TRPC4AP: variants seen among roughly 807,000 people sequenced by gnomAD.
TRPC4AP encodes short transient receptor potential channel 4-associated protein.
Under a neutral mutation model 99.0 loss-of-function variants are expected in TRPC4AP, and 45 were observed. The ratio of observed to expected loss-of-function variants is 0.45; its 90% confidence interval spans 0.36 to 0.58. The LOEUF is 0.58. TRPC4AP is among the 20% of genes least tolerant of loss of function. The pLI is 0.00. For missense variants in TRPC4AP, 879 were observed against 985.3 expected (o/e 0.89, Z 1.44); for synonymous variants, 408 against 385.8 (o/e 1.06, Z -0.67).
At chr20:35,086,573 G>GTATATATA (rs1440590409) in intron 1 of TRPC4AP, among the ~76,000 whole-genome samples, 1 of 41,512 alleles carries the variant, frequency 2.4e-5, no homozygotes. Context: ...GTGTGTGTGT[G>GTATATATA]TGTATATATA....
chr20:35,035,859 TTTCTTCAAAAATTTAAATATTTGC>T (rs1350990806), intron 7 of TRPC4AP, among the ~76,000 whole-genome samples: 1 of 152,212 alleles, frequency 6.6e-6, no homozygotes, highest in Admixed American at 6.5e-5. Context: ...TGAATTTAAT[TTTCTTCAAAAATTTAAATATTTGC>T]TTCTTCAAAA....
chr20:35,017,736 G>A (rs2082787488), intron 9 of TRPC4AP, among the ~76,000 whole-genome samples: 2 of 152,156 alleles, frequency 1.3e-5, no homozygotes, highest in African/African-American at 4.8e-5. Flanking sequence ...AGACATCCCT[G>A]GCAGCCTCCA....
rs773627981 is a variant in TRPC4AP at position 35,021,253 on chromosome 20, G to C, written c.1155C>G (p.Ile385Met). The C allele has an allele frequency of 6.2e-7, 1 of 1,614,144 alleles. No homozygotes were observed. The highest frequency in any genetic ancestry group is 1.7e-5 in the Admixed American group (1 of 60,014). Residue 385 changes from isoleucine to methionine, a missense_variant, in exon 9 of 19, where the codon ATC becomes ATG. By Grantham distance (10) the Ile-to-Met change is conservative. This residue lies in a region of TRPC4AP where 603 missense variants were observed against 631.8 expected (regional missense o/e 0.95). Coordinates refer to ENST00000252015, the MANE Select transcript of TRPC4AP (RefSeq NM_015638.3). ...LPQSMKIMHE[I>M]MYKLEVLYVL... Reference sequence around the variant, plus strand: ...CATAGAGCACTTCCAGTTTGTACATGATCTCATGCATAATCTTCATTGACT... The same window carrying C: ...CATAGAGCACTTCCAGTTTGTACATCATCTCATGCATAATCTTCATTGACT...
At chr20:35,047,543 T>G (rs981609226) in intron 6 of TRPC4AP, among the ~76,000 whole-genome samples, 2 of 152,234 alleles carry the variant, frequency 1.3e-5, no homozygotes, top group Non-Finnish European at 2.9e-5. Flanking sequence ...AGTTTTTTGT[T>G]CTGAAACAAC....
chr20:35,048,985 C>T (rs949886526), intron 6 of TRPC4AP, among the ~76,000 whole-genome samples: 4 of 152,156 alleles, frequency 2.6e-5, no homozygotes, highest in Non-Finnish European at 5.9e-5. Context: ...AAGAAATGAA[C>T]GCTGGGTTCA....
chr20:35,088,648 C>T (rs2084953866), intron 1 of TRPC4AP, among the ~76,000 whole-genome samples: 1 of 152,164 alleles, frequency 6.6e-6, no homozygotes, highest in Admixed American at 6.5e-5. Context: ...ATGTTATCAT[C>T]ACCTCTTTAG....
chr20:35,043,960 G>A (rs997461457), intron 7 of TRPC4AP, among the ~76,000 whole-genome samples: 1 of 152,126 alleles, frequency 6.6e-6, no homozygotes, highest in Non-Finnish European at 1.5e-5. Context: ...CTGATAAAAA[G>A]TAGTTCTTAA....
chr20:35,078,441 A>G (rs188393113), intron 1 of TRPC4AP, among the ~76,000 whole-genome samples: 66 of 152,350 alleles, frequency 4.3e-4, no homozygotes, highest in South Asian at 2.9e-3. Context: ...ACTCGTCGTA[A>G]ATATATACTG....
At chr20:35,076,148 T>C (rs973719334) in intron 2 of TRPC4AP, among the ~76,000 whole-genome samples, 1 of 152,204 alleles carries the variant, frequency 6.6e-6, no homozygotes, top group Non-Finnish European at 1.5e-5. Context: ...TTATTCTAGT[T>C]AGCCATTCGT....
At position 35,009,487 on chromosome 20, in the gene TRPC4AP, A is replaced by AG. The variant is rs2082585664; in HGVS notation, c.1511+699dup. Among the ~76,000 whole-genome samples the AG allele has an allele frequency of 2.0e-5, 3 of 151,778 alleles. No individual in the cohort carries two copies. The South Asian group carries it at 6.3e-4, about 32-fold the overall frequency. ...TGAGACCCCATCTCTACAAAAAAAA[A>AG]GTAAAAACACTAGCTGGGAATGGTG... On this transcript the variant is annotated intron_variant, in intron 12 of 18. Coordinates refer to ENST00000252015, the MANE Select transcript of TRPC4AP (RefSeq NM_015638.3).
At chr20:35,079,519 AAAAAAT>A (rs1162871958) in intron 1 of TRPC4AP, among the ~76,000 whole-genome samples, 1 of 152,204 alleles carries the variant, frequency 6.6e-6, no homozygotes, top group Admixed American at 6.6e-5. Flanking sequence ...AAACAGAAGA[AAAAAAT>A]AAAAATGAGA....
intron 1 of TRPC4AP, among the ~76,000 whole-genome samples, chr20:35,090,947 AG>A (rs11477460): frequency 1 from 152,310 of 152,312 alleles, 76,154 homozygotes; most frequent in Middle Eastern, 1. Flanking sequence ...CTTTTTCTAA[AG>A]GTTATGTGCT....
chr20:35,005,871 T>C (rs3746430), intron 15 of TRPC4AP, 68 bp from the exon 16 acceptor site: 1,026,567 of 1,422,400 alleles, frequency 0.72, 372,921 homozygotes, highest in Admixed American at 0.86. Flanking sequence ...CCCGGGGGGA[T>C]AGTCACTACA....
rs1257542365 is a variant in TRPC4AP, at chr20:35,068,965, ACACACACACAC to A, written c.414+320_414+330del. 1.7e-4 allele frequency among the ~76,000 whole-genome samples: 9 copies of A among 51,516 alleles called. No homozygotes were observed. In the South Asian group the frequency reaches 2.7e-3, roughly 16 times the overall value. The allele number at this position is 51,516 out of a possible 152,430, so 33.8% of individuals were successfully genotyped here. A position where few individuals can be genotyped will look rare whatever the true frequency, so the allele number is the denominator to read the frequency against. ...AATATTTACACACACACACACACAC[ACACACACACAC>A]ACAAAAAAAACAAAACATCTTAAGC... On this transcript the variant is annotated intron_variant, in intron 3 of 18. Transcript: ENST00000252015.
At chr20:35,016,475 C>T (rs1261207481) in intron 9 of TRPC4AP, among the ~76,000 whole-genome samples, 2 of 152,128 alleles carry the variant, frequency 1.3e-5, no homozygotes, top group African/African-American at 4.8e-5. Flanking sequence ...CTTAGCTTTA[C>T]CATGTGCAAA....
chr20:35,089,367 C>G (rs943907068), intron 1 of TRPC4AP, among the ~76,000 whole-genome samples: 7 of 150,778 alleles, frequency 4.6e-5, no homozygotes, highest in Admixed American at 1.3e-4. Context: ...GCTGGGACTA[C>G]AGGCATGCAT....
intron 3 of TRPC4AP, among the ~76,000 whole-genome samples, chr20:35,059,520 C>T (rs561374315): frequency 2.6e-5 from 4 of 152,026 alleles, no homozygotes; most frequent in South Asian, 2.1e-4. Context: ...ATTAGCTGGG[C>T]GTGGTGGTAC....
At chr20:35,052,056 G>C (rs556310832) in intron 5 of TRPC4AP, among the ~76,000 whole-genome samples, 1 of 151,620 alleles carries the variant, frequency 6.6e-6, no homozygotes, top group South Asian at 2.1e-4. Flanking sequence ...TTTTTCGGGG[G>C]AGAGTTTTTT....
chr20:35,062,394 G>GATTACTA (rs2084029071), intron 3 of TRPC4AP, among the ~76,000 whole-genome samples: 2 of 152,138 alleles, frequency 1.3e-5, no homozygotes, highest in South Asian at 4.1e-4. Context: ...AATCATAGCA[G>GATTACTA]ATTACTAATA....
Sources: gnomAD v4.1 joint callset for allele counts (sites outside exome capture counted in the v4.1 genomes callset) on GRCh38, gnomAD v4.1.1 for gene constraint, gnomAD v4.1.1 regional missense constraint, MANE v1.5 for transcripts, NCBI Gene and HGNC (gene_info 2026-07-23, HGNC 2026-07-21) for gene names.